The following ASXL3 variants were observed in gnomAD, a reference collection of about 807,000 sequenced individuals.
ASXL3 encodes putative Polycomb group protein ASXL3.
ASXL3 carries 34 observed loss-of-function variants against 170.6 expected under a neutral mutation model. That is an observed-to-expected ratio of 0.20 (90% CI 0.15 to 0.27). The LOEUF (loss-of-function observed/expected upper bound fraction) is 0.27, where lower values mean the gene tolerates loss of function less well. ASXL3 is among the 10% of genes least tolerant of loss of function. The pLI is 1.00. For synonymous variants in ASXL3, 1,002 were observed against 989.1 expected (o/e 1.01, Z -0.24); for missense variants, 2,592 against 2,695.3 (o/e 0.96, Z 0.85).
rs185494896 is a variant in ASXL3 at position 33,659,710 on chromosome 18, A to T, written c.356-1906A>T. ...AAAAATTATTCCAGTGATTATTTAA[A>T]GGAGAGAAGCCTAGGAAGCATAGTT... On this transcript the variant is annotated intron_variant, in intron 4 of 11. Transcript: ENST00000269197. Among the ~76,000 whole-genome samples, 22 of 152,294 alleles carry T rather than the reference A, an allele frequency of 1.4e-4. No homozygotes were observed. The East Asian group carries it at 4.1e-3, about 28-fold the overall frequency.
rs1427510658 is a variant in ASXL3, at chr18:33,734,459, G to T, written c.1082+44G>T. Reference sequence around the variant, plus strand: ...TTTCTCATTTCTCTGAGAAAGAAATGAAAATGTAATTCTCTGCTTCACATA... The same window carrying T: ...TTTCTCATTTCTCTGAGAAAGAAATTAAAATGTAATTCTCTGCTTCACATA... On this transcript the variant is annotated intron_variant, in intron 10 of 11. Coordinates refer to ENST00000269197, the MANE Select transcript of ASXL3 (RefSeq NM_030632.3). 2.3e-6 allele frequency: 3 copies of T among 1,328,702 alleles called. No homozygotes were observed. In the South Asian group the frequency reaches 4.0e-5, roughly 18 times the overall value. 82.3% of individuals were successfully genotyped at this position (1,328,702 alleles called of 1,614,324 possible).
Position 33,670,708 on chromosome 18 carries a change from C to A in ASXL3, c.513C>A (p.Val171=). ...LRQQQKRRNG[V]SMMVNKTVPR... ...AGCAGCAGAAAAGAAGAAATGGAGTCTCAATGATGGTAAACAAGACTGTTC... is the reference window on the plus strand; with the variant it reads ...AGCAGCAGAAAAGAAGAAATGGAGTATCAATGATGGTAAACAAGACTGTTC... The change falls in exon 6 of 12, where the codon GTC becomes GTA. Residue 171 remains valine (V), a synonymous_variant. Transcript: ENST00000269197. The A allele has an allele frequency of 6.4e-7, 1 of 1,570,750 alleles. No individual in the cohort carries two copies. Among genetic ancestry groups the A allele is most frequent in the South Asian group, 1.2e-5 (1 of 85,084 alleles).
chr18:33,721,676 T>A (rs1186560800), intron 8 of ASXL3, among the ~76,000 whole-genome samples: 1 of 152,120 alleles, frequency 6.6e-6, no homozygotes, highest in African/African-American at 2.4e-5. Flanking sequence ...TAAAATTTAC[T>A]TTGTGTTCAC....
At position 33,745,323 on chromosome 18, in the gene ASXL3, C is replaced by A. The variant is rs773589470; in HGVS notation, c.5475C>A (p.Asn1825Lys). 18 of 1,613,912 alleles carry A rather than the reference C, an allele frequency of 1.1e-5. No individual in the cohort carries two copies. The highest frequency in any genetic ancestry group is 4.0e-5 in the African/African-American group (3 of 75,018). Reference sequence around the variant, plus strand: ...CACTCCAAATGAGAAAGCGAGAAAACCACCCCAAAAAGAGAGTAGCTAGGA... The same window carrying A: ...CACTCCAAATGAGAAAGCGAGAAAAACACCCCAAAAAGAGAGTAGCTAGGA... ...LAPLQMRKRE[N>K]HPKKRVARTV... Residue 1825 changes from asparagine to lysine, a missense_variant, in exon 12 of 12, where the codon AAC becomes AAA. Asn to Lys is a moderately conservative substitution (Grantham distance 94). Around this residue, in one of 4 missense-constraint regions of ASXL3, gnomAD observed 2,246 missense variants for 2,219.6 expected, o/e 1.01. Coordinates refer to ENST00000269197, the MANE Select transcript of ASXL3 (RefSeq NM_030632.3).
chr18:33,705,870 T>C (rs902644179), intron 8 of ASXL3, among the ~76,000 whole-genome samples: 17 of 151,884 alleles, frequency 1.1e-4, no homozygotes, highest in African/African-American at 4.1e-4. Flanking sequence ...AGAGAGAACA[T>C]ACCCTAGCAT....
In ASXL3 at chr18:33,738,940, G is replaced by T; in HGVS notation, c.1536G>T (p.Leu512Phe). The change falls in exon 11 of 12, where the codon TTG becomes TTT. Residue 512 changes from leucine to phenylalanine, a missense_variant. Transcript: ENST00000269197. ...CVMMNDVLET[L>F]PHIEVKIEGK... ...TGATGAATGATGTTTTAGAAACTTT[G>T]CCTCATATTGAAGTTAAGATAGAAG... 1 of 1,613,560 alleles carries T rather than the reference G, an allele frequency of 6.2e-7. No homozygotes were observed. The highest frequency in any genetic ancestry group is 8.5e-7 in the Non-Finnish European group (1 of 1,179,700).
rs1484799318 is a variant in ASXL3 at position 33,747,216 on chromosome 18, A to G, written c.*621A>G. 15 of 152,200 alleles carry G rather than the reference A, an allele frequency of 9.9e-5. No homozygotes were observed. Among genetic ancestry groups the G allele is most frequent in the Admixed American group, 9.8e-4 (15 of 15,286 alleles). 9.4% of individuals were successfully genotyped at this position (152,200 alleles called of 1,614,324 possible). A position where few individuals can be genotyped will look rare whatever the true frequency, so the allele number is the denominator to read the frequency against. ...GTTGTACTTTCTCAGAGACTATGGC[A>G]GAATATCTGGATCTTCCTTGGATTT... On this transcript the variant is annotated 3_prime_UTR_variant, in exon 12 of 12. Coordinates refer to ENST00000269197, the MANE Select transcript of ASXL3 (RefSeq NM_030632.3).
rs547720108 is a variant in ASXL3 at position 33,629,096 on chromosome 18, TC to T, written c.138-15792del. ...TTGTTACTAGTACCTTAGAAAACAA[TC>T]CCCCCACACGCCAAAAGAAGTAAAG... is the stretch of plus-strand genomic sequence containing the variant. On this transcript the variant is annotated intron_variant, in intron 2 of 11. Transcript: ENST00000269197. 1.2e-3 allele frequency among the ~76,000 whole-genome samples: 179 copies of T among 152,068 alleles called. 2 individuals are homozygous for T. Among genetic ancestry groups the T allele is most frequent in the African/African-American group, 4.2e-3 (175 of 41,490 alleles).
intron 8 of ASXL3, among the ~76,000 whole-genome samples, chr18:33,687,107 G>A (rs1373683790): frequency 6.6e-6 from 1 of 152,134 alleles, no homozygotes; most frequent in African/African-American, 2.4e-5. Context: ...GGTCTAGAAG[G>A]CAACTAGAGA....
Position 33,747,344 on chromosome 18 carries a change from A to G in ASXL3, c.*749A>G, listed in dbSNP as rs1219941275. ...TTTGACACCTGATAATATGAGAGCA[A>G]TTGGCCAGCCAATAGCCATAAGCCC... On this transcript the variant is annotated 3_prime_UTR_variant, in exon 12 of 12. Transcript: ENST00000269197. 1 of 150,312 alleles carries G rather than the reference A, an allele frequency of 6.7e-6. No homozygotes were observed. The highest frequency in any genetic ancestry group is 1.5e-5 in the Non-Finnish European group (1 of 67,656). 9.3% of individuals were successfully genotyped at this position (150,312 alleles called of 1,614,324 possible).
intron 10 of ASXL3, 67 bp from the exon 11 acceptor site, chr18:33,738,420 G>A (rs1257139094): frequency 1.4e-6 from 2 of 1,429,072 alleles, no homozygotes; most frequent in East Asian, 4.8e-5. Context: ...CTACATTCAT[G>A]AGAGATCCCA....
chr18:33,640,453 T>C (rs2065828181), intron 2 of ASXL3, among the ~76,000 whole-genome samples: 1 of 152,088 alleles, frequency 6.6e-6, no homozygotes, highest in Non-Finnish European at 1.5e-5. Flanking sequence ...TGATGTACAC[T>C]GGGTTACTAT....
chr18:33,696,100 T>C (rs1298181914), intron 8 of ASXL3, among the ~76,000 whole-genome samples: 1 of 152,102 alleles, frequency 6.6e-6, no homozygotes, highest in Non-Finnish European at 1.5e-5. Context: ...CTGACCATTA[T>C]GAACAGGTGT....
At chr18:33,614,857 C>G (rs2065398484) in intron 2 of ASXL3, 1 of 151,280 alleles carries the variant, frequency 6.6e-6, no homozygotes, top group African/African-American at 2.4e-5. Flanking sequence ...TACGTCTTAA[C>G]AGCTTAAAAT....
intron 8 of ASXL3, among the ~76,000 whole-genome samples, chr18:33,701,710 T>A (rs2066877160): frequency 6.6e-6 from 1 of 152,098 alleles, no homozygotes; most frequent in Admixed American, 6.6e-5. Flanking sequence ...TGGGTATGAA[T>A]CACTTTGCAT....
chr18:33,715,266 T>C (rs901869531), intron 8 of ASXL3, among the ~76,000 whole-genome samples: 3 of 152,180 alleles, frequency 2.0e-5, no homozygotes, highest in African/African-American at 7.2e-5. Context: ...CCCTGTTCCT[T>C]CGAGAATCTT....
intron 1 of ASXL3, among the ~76,000 whole-genome samples, chr18:33,591,116 A>T (rs540078989): frequency 5.9e-5 from 9 of 152,290 alleles, no homozygotes; most frequent in African/African-American, 2.2e-4. Flanking sequence ...TCCTTATTTC[A>T]TGTAGGAATT....
intron 8 of ASXL3, among the ~76,000 whole-genome samples, chr18:33,716,365 T>C (rs1227825313): frequency 1.3e-5 from 2 of 152,214 alleles, no homozygotes; most frequent in East Asian, 3.9e-4. Context: ...ATTTAAACTT[T>C]GTATAAATAG....
chr18:33,750,570 T>A lies in ASXL3; in HGVS notation c.*3975T>A, dbSNP rs75881077. On this transcript the variant is annotated 3_prime_UTR_variant, in exon 12 of 12. Transcript: ENST00000269197. The stretch of plus-strand genomic sequence containing the variant: ...TTTAATGTGTGTTCGTTTGTACAAT[T>A]TTTTTTTTTTGGTCAGTATTCTGAA... 1.0e-4 allele frequency: 5 copies of A among 47,754 alleles called. No homozygotes were observed. In the East Asian group the frequency reaches 7.5e-3, roughly 71 times the overall value. The allele number at this position is 47,754 out of a possible 1,614,324, so 3.0% of individuals were successfully genotyped here.
Sources: allele counts gnomAD v4.1 joint callset (sites outside exome capture counted in the v4.1 genomes callset), GRCh38; gene constraint gnomAD v4.1.1; regional missense constraint gnomAD v4.1.1; transcripts MANE v1.5; gene names NCBI Gene and HGNC (gene_info 2026-07-23, HGNC 2026-07-21).